The following COL8A1 variants were observed in gnomAD, a reference collection of about 807,000 sequenced individuals.
The protein encoded by COL8A1 is collagen type VIII alpha 1 chain.
A neutral mutation model predicts 42.7 loss-of-function variants in COL8A1; 21 were observed. The observed-to-expected ratio is 0.49, with a 90% confidence interval of 0.35 to 0.71. The LOEUF is 0.71. Among genes scored for constraint, COL8A1 ranks in the 30% least tolerant of loss-of-function variants. The pLI, the probability that COL8A1 is intolerant of heterozygous loss-of-function variation, is 0.01. For synonymous variants in COL8A1, 367 were observed against 369.1 expected (o/e 0.99, Z 0.06); for missense variants, 788 against 962.4 (o/e 0.82, Z 2.40).
intron 2 of COL8A1, among the ~76,000 whole-genome samples, chr3:99,750,922 C>G (rs891403594): frequency 2.0e-5 from 3 of 152,164 alleles, no homozygotes; most frequent in African/African-American, 7.2e-5. Context: ...TTTCTAATGG[C>G]ATCTACTTAA....
chr3:99,787,110 A>G (rs988833362), intron 2 of COL8A1, among the ~76,000 whole-genome samples: 9 of 152,220 alleles, frequency 5.9e-5, no homozygotes, highest in Non-Finnish European at 1.3e-4. Flanking sequence ...AACAGATTAA[A>G]TATTTAAACA....
chr3:99,683,718 T>C (rs2107325606), intron 1 of COL8A1, among the ~76,000 whole-genome samples: 1 of 152,226 alleles, frequency 6.6e-6, no homozygotes, highest in African/African-American at 2.4e-5. Context: ...CCCTCAGGAA[T>C]CCTCTCAATC....
intron 2 of COL8A1, among the ~76,000 whole-genome samples, chr3:99,762,828 T>A (rs916077758): frequency 6.6e-6 from 1 of 152,176 alleles, no homozygotes; most frequent in Non-Finnish European, 1.5e-5. Context: ...GGCACAATCC[T>A]TTGGCTTCTC....
chr3:99,745,209 T>A (rs543015379), intron 2 of COL8A1, among the ~76,000 whole-genome samples, 188 bp downstream of exon 2: 1 of 152,260 alleles, frequency 6.6e-6, no homozygotes, highest in East Asian at 1.9e-4. Flanking sequence ...TAATATTAGG[T>A]TTTCAAATCC....
At chr3:99,665,831 G>A (rs573996094) in intron 1 of COL8A1, among the ~76,000 whole-genome samples, 51 of 150,582 alleles carry the variant, frequency 3.4e-4, no homozygotes, top group Non-Finnish European at 4.1e-4. Flanking sequence ...ACAGGTGCCC[G>A]CTGCCACACT....
At chr3:99,690,258 T>A (rs1470096966) in intron 1 of COL8A1, among the ~76,000 whole-genome samples, 2 of 152,256 alleles carry the variant, frequency 1.3e-5, no homozygotes, top group East Asian at 3.8e-4. Flanking sequence ...GATACTTTAA[T>A]ATTCTTCTGT....
At chr3:99,712,478 GGGCT>G (rs1939865358) in intron 1 of COL8A1, among the ~76,000 whole-genome samples, 1 of 152,070 alleles carries the variant, frequency 6.6e-6, no homozygotes, top group African/African-American at 2.4e-5. Flanking sequence ...TCGGACATCC[GGGCT>G]CATGATTTAT....
At chr3:99,701,282 T>A (rs1319433717) in intron 1 of COL8A1, among the ~76,000 whole-genome samples, 2 of 152,248 alleles carry the variant, frequency 1.3e-5, no homozygotes, top group Non-Finnish European at 1.5e-5. Flanking sequence ...TTTTCCTTTC[T>A]GCTTGCAAAT....
In COL8A1 at chr3:99,795,320, T is replaced by A. The variant is rs1183205708; in HGVS notation, c.1419T>A (p.Pro473=). The A allele has an allele frequency of 3.7e-6, 6 of 1,606,054 alleles. No individual in the cohort carries two copies. Among genetic ancestry groups the A allele is most frequent in the African/African-American group, 1.3e-5 (1 of 74,708 alleles). ...EAGQKGVPGL[P]GVPGLLGPKG... is the part of the protein sequence containing the mutation. ...GGCAAAAAGGTGTACCAGGACTCCC[T>A]GGTGTTCCAGGGCTTCTCGGACCTA... Residue 473 remains proline (P), a synonymous_variant, in exon 4 of 4, where the codon CCT becomes CCA. Transcript: ENST00000652472.
At chr3:99,717,809 A>G (rs1940045315) in intron 1 of COL8A1, among the ~76,000 whole-genome samples, 1 of 152,034 alleles carries the variant, frequency 6.6e-6, no homozygotes, top group South Asian at 2.1e-4. Context: ...TTGGAGCTAC[A>G]TTTTTTGTTG....
intron 1 of COL8A1, among the ~76,000 whole-genome samples, chr3:99,710,089 T>G (rs1360010200): frequency 1.3e-5 from 2 of 152,202 alleles, no homozygotes; most frequent in Non-Finnish European, 2.9e-5. Context: ...TATGCATGCA[T>G]GTATGTGTGC....
intron 1 of COL8A1, among the ~76,000 whole-genome samples, chr3:99,740,836 A>T (rs1940880257): frequency 6.6e-6 from 1 of 152,206 alleles, no homozygotes; most frequent in East Asian, 1.9e-4. Context: ...TGAAAATTCC[A>T]TTCTAAATAA....
intron 1 of COL8A1, among the ~76,000 whole-genome samples, chr3:99,684,795 G>A (rs554198559): frequency 4.6e-5 from 7 of 152,264 alleles, no homozygotes; most frequent in African/African-American, 1.4e-4. Context: ...AAAAGGCACT[G>A]GGAAGAAGAG....
At chr3:99,675,290 TG>T (rs1559775273) in intron 1 of COL8A1, among the ~76,000 whole-genome samples, 1 of 152,084 alleles carries the variant, frequency 6.6e-6, no homozygotes, top group Non-Finnish European at 1.5e-5. Context: ...TCCTTATTTT[TG>T]GCCATGAGAA....
intron 1 of COL8A1, among the ~76,000 whole-genome samples, chr3:99,713,694 C>T (rs1323952077): frequency 6.6e-6 from 1 of 152,014 alleles, no homozygotes; most frequent in Non-Finnish European, 1.5e-5. Context: ...ATCCTTCTCT[C>T]AAGGAGCAGT....
At chr3:99,678,379 G>A (rs1938764247) in intron 1 of COL8A1, 1 of 152,008 alleles carries the variant, frequency 6.6e-6, no homozygotes, top group African/African-American at 2.4e-5. Flanking sequence ...AAAAGTGCCT[G>A]GGATATTTTC....
intron 2 of COL8A1, among the ~76,000 whole-genome samples, chr3:99,774,416 G>T (rs1251024665): frequency 3.3e-5 from 5 of 151,980 alleles, no homozygotes; most frequent in African/African-American, 7.3e-5. Flanking sequence ...ATTTATGTTT[G>T]CTACGCAATG....
At chr3:99,749,758 T>A (rs1334215256) in intron 2 of COL8A1, among the ~76,000 whole-genome samples, 1 of 152,134 alleles carries the variant, frequency 6.6e-6, no homozygotes, top group Non-Finnish European at 1.5e-5. Flanking sequence ...TTTGCTTTCC[T>A]CCATTATACT....
intron 1 of COL8A1, among the ~76,000 whole-genome samples, chr3:99,671,180 T>C (rs1938532476): frequency 6.6e-6 from 1 of 152,016 alleles, no homozygotes; most frequent in Admixed American, 6.6e-5. Flanking sequence ...AAAACAAATA[T>C]GAAAAATACA....
Sources: allele counts gnomAD v4.1 joint callset (sites outside exome capture counted in the v4.1 genomes callset), GRCh38; gene constraint gnomAD v4.1.1; transcripts MANE v1.5; gene names NCBI Gene and HGNC (gene_info 2026-07-23, HGNC 2026-07-21).